LACTB: variants seen among roughly 807,000 people sequenced by gnomAD.
LACTB encodes the protein lactamase beta, also known as serine beta-lactamase-like protein LACTB, mitochondrial.
In LACTB, 35 loss-of-function variants were observed where a neutral mutation model predicts 50.2. The ratio of observed to expected loss-of-function variants is 0.70; its 90% CI spans 0.53 to 0.92. The LOEUF is 0.92. Among genes scored for constraint, LACTB ranks in the 40% least tolerant of loss-of-function variants. LACTB has a pLI of 0.00. For missense variants in LACTB, 664 were observed against 691.8 expected (o/e 0.96, Z 0.45); for synonymous variants, 252 against 268.2 (o/e 0.94, Z 0.59).
At chr15:63,138,429 C>T (rs1011532809) in intron 5 of LACTB, among the ~76,000 whole-genome samples, 3 of 152,136 alleles carry the variant, frequency 2.0e-5, no homozygotes, top group Non-Finnish European at 4.4e-5. Context: ...TGTCATCTGG[C>T]GTCATCCCAT....
At position 63,127,619 on chromosome 15, in the gene LACTB, G is replaced by A; in HGVS notation, c.882G>A (p.Leu294=). Residue 294 remains leucine (L), a synonymous_variant, in exon 4 of 6, where the codon TTG becomes TTA. Transcript: ENST00000261893. ...ATTTTGAACAAGGCGAATTATATTT[G>A]AGAGAAAAGTTTGAAAATTCAATTG... ...KNDFEQGELY[L]REKFENSIES... 1 of 1,610,504 alleles carries A rather than the reference G, an allele frequency of 6.2e-7. No individual in the cohort carries two copies. Among genetic ancestry groups the A allele is most frequent in the Non-Finnish European group, 8.5e-7 (1 of 1,178,634 alleles).
intron 5 of LACTB, among the ~76,000 whole-genome samples, chr15:63,137,213 G>C (rs887352558): frequency 6.6e-6 from 1 of 152,176 alleles, no homozygotes; most frequent in African/African-American, 2.4e-5. Context: ...AATATACTCT[G>C]TATAGGCAAG....
At position 63,141,452 on chromosome 15, in the gene LACTB, T is replaced by C. The variant is rs139094697; in HGVS notation, c.1291T>C (p.Leu431=). 559 of 1,614,228 alleles carry C rather than the reference T, an allele frequency of 3.5e-4. No homozygotes were observed. In the African/African-American group the frequency reaches 5.6e-3, roughly 16 times the overall value. The change falls in exon 6 of 6, where the codon TTA becomes CTA. Residue 431 remains leucine (L), a synonymous_variant. Coordinates refer to ENST00000261893, the MANE Select transcript of LACTB (RefSeq NM_032857.5). ...GLFKNSNENL[L]PGYLKPETMV... ...GTTTAAGAACTCAAATGAAAATCTT[T>C]TACCTGGATACCTCAAACCAGAAAC...
rs1296449882 is a variant in LACTB, at chr15:63,126,615, C to T, written c.425-244C>T. Among the ~76,000 whole-genome samples, 4 of 152,116 alleles carry T rather than the reference C, an allele frequency of 2.6e-5. No homozygotes were observed. The East Asian group carries it at 7.7e-4, about 29-fold the overall frequency. ...AGCTAAGAAAAATTTGTATCTAAGTCATAGAAAATTGCTATTGCAAACAGG... is the reference window on the plus strand; with the variant it reads ...AGCTAAGAAAAATTTGTATCTAAGTTATAGAAAATTGCTATTGCAAACAGG... On this transcript the variant is annotated intron_variant, in intron 2 of 5. Transcript: ENST00000261893.
In LACTB at chr15:63,141,545, A is replaced by G. The variant is rs1375553290; in HGVS notation, c.1384A>G (p.Met462Val). The G allele has an allele frequency of 3.1e-6, 5 of 1,614,100 alleles. No individual in the cohort carries two copies. In the South Asian group the frequency reaches 4.4e-5, roughly 14 times the overall value. ...MSWDKEGKYA[M>V]AWGVVERKQT... ...TTGGGATAAAGAGGGTAAATATGCA[A>G]TGGCGTGGGGTGTTGTGGAAAGGAA... The change falls in exon 6 of 6, where the codon ATG becomes GTG. Residue 462 changes from methionine (M) to valine (V), a missense_variant. Coordinates refer to ENST00000261893, the MANE Select transcript of LACTB (RefSeq NM_032857.5).
At chr15:63,139,295 A>G (rs2141078678) in intron 5 of LACTB, among the ~76,000 whole-genome samples, 1 of 151,686 alleles carries the variant, frequency 6.6e-6, no homozygotes, top group Admixed American at 6.6e-5. Flanking sequence ...GAACCCAGGA[A>G]CAGTGAGCTG....
rs1386537785 is a variant in LACTB, at chr15:63,127,519, A to T, written c.782A>T (p.Asp261Val). Residue 261 changes from aspartate (D) to valine (V), a missense_variant, in exon 4 of 6, where the codon GAT (aspartate) becomes GTT (valine). By Grantham distance (152) the Asp-to-Val change is radical. Coordinates refer to ENST00000261893, the MANE Select transcript of LACTB (RefSeq NM_032857.5). Reference sequence around the variant, plus strand: ...GAAGGCAAAAGTAATGAAAAGAATGATTTTACTAAATTTAAAACAGAGCAG... The same window carrying T: ...GAAGGCAAAAGTAATGAAAAGAATGTTTTTACTAAATTTAAAACAGAGCAG... ...EKEGKSNEKN[D>V]FTKFKTEQEN... is the part of the protein sequence containing the mutation. 3 of 1,613,628 alleles carry T rather than the reference A, an allele frequency of 1.9e-6. No homozygotes were observed. The highest frequency in any genetic ancestry group is 1.1e-5 in the South Asian group (1 of 90,868).
chr15:63,126,663 A>G (rs112254745), intron 2 of LACTB, among the ~76,000 whole-genome samples, 196 bp from the exon 3 acceptor site: 1 of 152,246 alleles, frequency 6.6e-6, no homozygotes, highest in African/African-American at 2.4e-5. Context: ...TTTAGTTATA[A>G]GGTTAAATTG....
Position 63,141,403 on chromosome 15 carries a change from G to C in LACTB, c.1242G>C (p.Met414Ile), listed in dbSNP as rs200127857. 184 of 1,614,068 alleles carry C rather than the reference G, an allele frequency of 1.1e-4. No individual in the cohort carries two copies. The highest frequency in any genetic ancestry group is 5.6e-5 in the Non-Finnish European group (66 of 1,180,046). ...VGDLLKFGNA[M>I]LYGYQVGLFK... ...ACCTTCTGAAATTTGGGAATGCAAT[G>C]CTTTATGGTTACCAAGTTGGGCTGT... Residue 414 changes from methionine to isoleucine, a missense_variant, in exon 6 of 6, where the codon ATG becomes ATC. Coordinates refer to ENST00000261893, the MANE Select transcript of LACTB (RefSeq NM_032857.5).
In LACTB at chr15:63,122,090, C is replaced by T; in HGVS notation, c.219C>T (p.Asp73=). The part of the protein sequence containing the change: ...AAPAQSPAAP[D]PEASPLAEPP... ...CGGCGCAGTCCCCCGCGGCCCCCGA[C>T]CCTGAGGCGTCGCCTCTGGCCGAGC... The change falls in exon 1 of 6, where the codon GAC becomes GAT. Residue 73 remains aspartate, a synonymous_variant. Transcript: ENST00000261893. 1.4e-6 allele frequency: 2 copies of T among 1,469,996 alleles called. No homozygotes were observed. Among genetic ancestry groups the T allele is most frequent in the East Asian group, 2.9e-5 (1 of 34,260 alleles). 91.1% of individuals were successfully genotyped at this position (1,469,996 alleles called of 1,614,324 possible).
Position 63,127,650 on chromosome 15 carries a change from C to T in LACTB, c.913C>T (p.Leu305=), listed in dbSNP as rs1438127685. 5 of 1,603,790 alleles carry T rather than the reference C, an allele frequency of 3.1e-6. No homozygotes were observed. In the East Asian group the frequency reaches 1.1e-4, roughly 36 times the overall value. ...REKFENSIES[L]RLFKNDPLFF... is the part of the protein sequence containing the mutation. ...AAAGTTTGAAAATTCAATTGAATCC[C>T]TAAGATTATTTAAAAATGATCCTTT... Residue 305 remains leucine, a synonymous_variant, in exon 4 of 6, where the codon CTA becomes TTA. Transcript: ENST00000261893.
chr15:63,129,591 C>T lies in LACTB; in HGVS notation c.1059C>T (p.Asp353=). 2 of 1,613,158 alleles carry T rather than the reference C, an allele frequency of 1.2e-6. No individual in the cohort carries two copies. Among genetic ancestry groups the T allele is most frequent in the Admixed American group, 1.7e-5 (1 of 59,866 alleles). The part of the protein sequence containing the change: ...YLDYMQKIFH[D]LDMLTTVQEE... ...ACTATATGCAGAAAATATTCCATGA[C>T]TTGGATATGCTGACGACTGTGCAGG... Residue 353 remains aspartate, a synonymous_variant, in exon 5 of 6, where the codon GAC becomes GAT. Coordinates refer to ENST00000261893, the MANE Select transcript of LACTB (RefSeq NM_032857.5).
chr15:63,127,705 T>C lies in LACTB; in HGVS notation c.952+16T>C. ...TTCAAACCTGGTGAGTGTTAATCCCTTCTCTTAACAAAATCATCATTACTG... is the reference window on the plus strand; with the variant it reads ...TTCAAACCTGGTGAGTGTTAATCCCCTCTCTTAACAAAATCATCATTACTG... On this transcript the variant is annotated intron_variant, in intron 4 of 5. Coordinates refer to ENST00000261893, the MANE Select transcript of LACTB (RefSeq NM_032857.5). 4.1e-6 allele frequency: 6 copies of C among 1,453,300 alleles called. No individual in the cohort carries two copies. The highest frequency in any genetic ancestry group is 1.2e-5 in the South Asian group (1 of 80,124). 90.0% of individuals were successfully genotyped at this position (1,453,300 alleles called of 1,614,324 possible). A position where few individuals can be genotyped will look rare whatever the true frequency, so the allele number is the denominator to read the frequency against.
chr15:63,126,794 G>A (rs543091096), intron 2 of LACTB, 65 bp from the exon 3 acceptor site: 1 of 943,304 alleles, frequency 1.1e-6, no homozygotes, highest in South Asian at 2.3e-5. Flanking sequence ...TATTATTTCA[G>A]GGTTTGAAAA....
intron 2 of LACTB, among the ~76,000 whole-genome samples, chr15:63,124,916 T>C (rs981569785): frequency 2.6e-5 from 4 of 151,910 alleles, no homozygotes; most frequent in African/African-American, 9.7e-5. Context: ...GATCGTTCAC[T>C]GCACTCCAGC....
At position 63,129,472 on chromosome 15, in the gene LACTB, A is replaced by G. The variant is rs773610944; in HGVS notation, c.953-13A>G. 2.5e-5 allele frequency: 39 copies of G among 1,539,590 alleles called. No homozygotes were observed. Among genetic ancestry groups the G allele is most frequent in the Non-Finnish European group, 3.1e-5 (36 of 1,146,852 alleles). ...GTATTTTATTTTTTTCCTCCTCGCAATGATGTCTCAAGGTAGTCAGTTTTT... is the reference window on the plus strand; with the variant it reads ...GTATTTTATTTTTTTCCTCCTCGCAGTGATGTCTCAAGGTAGTCAGTTTTT... On this transcript the variant is annotated splice_polypyrimidine_tract_variant and intron_variant, in intron 4 of 5. Coordinates refer to ENST00000261893, the MANE Select transcript of LACTB (RefSeq NM_032857.5).
chr15:63,133,553 C>A (rs1464696526), intron 5 of LACTB, among the ~76,000 whole-genome samples: 1 of 152,130 alleles, frequency 6.6e-6, no homozygotes, highest in African/African-American at 2.4e-5. Flanking sequence ...GAGTTTCAGG[C>A]TGCAGTGAGC....
rs530477650 is a variant in LACTB, at chr15:63,141,845, GT to G, written c.*47del. ...TAGGTGCAAAATGAGTTGTTCTGAG[GT>G]TTTTTTGAAACATTAAAGTTCCAAA... On this transcript the variant is annotated 3_prime_UTR_variant, in exon 6 of 6. Coordinates refer to ENST00000261893, the MANE Select transcript of LACTB (RefSeq NM_032857.5). The G allele has an allele frequency of 2.1e-3, 3,208 of 1,530,802 alleles. 9 individuals carry two copies. Among genetic ancestry groups the G allele is most frequent in the Admixed American group, 4.1e-3 (210 of 51,056 alleles). 94.8% of individuals were successfully genotyped at this position (1,530,802 alleles called of 1,614,324 possible).
rs1327364159 is a variant in LACTB, at chr15:63,127,000, T to C, written c.566T>C (p.Val189Ala). The change falls in exon 3 of 6, where the codon GTA (valine) becomes GCA (alanine). Residue 189 changes from valine to alanine, a missense_variant. Coordinates refer to ENST00000261893, the MANE Select transcript of LACTB (RefSeq NM_032857.5). Reference protein sequence around the residue: ...EAGKLDLDIPVQHYVPEFPEK... With the variant: ...EAGKLDLDIPAQHYVPEFPEK... Reference sequence around the variant, plus strand: ...GGGAAACTGGATCTTGATATTCCAGTACAACATTATGTTCCCGAATTCCCA... The same window carrying C: ...GGGAAACTGGATCTTGATATTCCAGCACAACATTATGTTCCCGAATTCCCA... 1 of 1,612,882 alleles carries C rather than the reference T, an allele frequency of 6.2e-7. No homozygotes were observed. Among genetic ancestry groups the C allele is most frequent in the Non-Finnish European group, 8.5e-7 (1 of 1,179,314 alleles).
Sources: gnomAD v4.1 joint callset for allele counts (sites outside exome capture counted in the v4.1 genomes callset) on GRCh38, gnomAD v4.1.1 for gene constraint, MANE v1.5 for transcripts, NCBI Gene and HGNC (gene_info 2026-07-23, HGNC 2026-07-21) for gene names.